The following TMEM132D variants were observed in gnomAD, a reference collection of about 807,000 sequenced individuals.
The protein encoded by TMEM132D is mature OL transmembrane protein.
TMEM132D carries 21 observed loss-of-function variants against 62.3 expected under a neutral mutation model. The observed-to-expected ratio is 0.34, with a 90% CI of 0.24 to 0.49. The LOEUF (loss-of-function observed/expected upper bound fraction) is 0.49. TMEM132D is among the 20% of genes least tolerant of loss of function. TMEM132D has a pLI of 0.99. For synonymous variants in TMEM132D, 621 were observed against 575.6 expected (o/e 1.08, Z -1.13); for missense variants, 1,346 against 1,402.8 (o/e 0.96, Z 0.65).
intron 2 of TMEM132D, among the ~76,000 whole-genome samples, chr12:129,613,381 C>G (rs1378169519): frequency 6.6e-6 from 1 of 152,200 alleles, no homozygotes. Flanking sequence ...TGGATCTGCT[C>G]CATCCTCATG....
At chr12:129,628,732 T>C (rs924000136) in intron 2 of TMEM132D, among the ~76,000 whole-genome samples, 4 of 152,146 alleles carry the variant, frequency 2.6e-5, no homozygotes, top group African/African-American at 7.2e-5. Context: ...ATACTCAGTG[T>C]GATGGCCATG....
At chr12:129,278,621 G>A (rs993780505) in intron 4 of TMEM132D, among the ~76,000 whole-genome samples, 10 of 152,116 alleles carry the variant, frequency 6.6e-5, no homozygotes, top group Admixed American at 3.3e-4. Context: ...AATGACTGCC[G>A]TTCAAATGAG....
intron 2 of TMEM132D, among the ~76,000 whole-genome samples, chr12:129,631,232 C>T (rs190287255): frequency 2.9e-4 from 44 of 152,266 alleles, no homozygotes; most frequent in African/African-American, 1.0e-3. Context: ...AGCGCTACTG[C>T]GTCTTTCTCT....
chr12:129,398,529 G>A (rs1338862772), intron 3 of TMEM132D, among the ~76,000 whole-genome samples: 1 of 152,184 alleles, frequency 6.6e-6, no homozygotes, highest in African/African-American at 2.4e-5. Context: ...TATCATAAGG[G>A]ATGATAGAAA....
intron 4 of TMEM132D, among the ~76,000 whole-genome samples, chr12:129,232,045 C>T (rs939303851): frequency 6.6e-6 from 1 of 152,166 alleles, no homozygotes; most frequent in Non-Finnish European, 1.5e-5. Context: ...TCAAACTTAG[C>T]TGTACATTGG....
intron 4 of TMEM132D, among the ~76,000 whole-genome samples, chr12:129,286,722 G>C (rs1308441024): frequency 6.6e-6 from 1 of 152,100 alleles, no homozygotes; most frequent in Non-Finnish European, 1.5e-5. Context: ...TTAGCATCTA[G>C]ACCTTAAAGT....
In TMEM132D at chr12:129,342,523, T is replaced by G. The variant is rs1052385272; in HGVS notation, c.1116-4706A>C. On this transcript the variant is annotated intron_variant, in intron 3 of 8. Transcript: ENST00000422113. ...TCAGGACATAGGCATGGGCAAGGAC[T>G]TCATGTCTAAAACACCAAAAGCAAT... Among the ~76,000 whole-genome samples the G allele has an allele frequency of 2.0e-5, 3 of 152,098 alleles. No homozygotes were observed. In the South Asian group the frequency reaches 6.2e-4, roughly 32 times the overall value.
chr12:129,370,360 G>A (rs918761325), intron 3 of TMEM132D, among the ~76,000 whole-genome samples: 2 of 152,162 alleles, frequency 1.3e-5, no homozygotes, highest in Non-Finnish European at 2.9e-5. Context: ...AATGAGGCCC[G>A]CCTGTTTGGT....
chr12:129,692,110 C>T (rs921251841), intron 2 of TMEM132D, among the ~76,000 whole-genome samples: 3 of 152,012 alleles, frequency 2.0e-5, no homozygotes, highest in South Asian at 4.1e-4. Context: ...TTACCAAAAC[C>T]ATATGAAGAC....
intron 2 of TMEM132D, among the ~76,000 whole-genome samples, chr12:129,623,982 T>C (rs1363751548): frequency 6.6e-6 from 1 of 152,108 alleles, no homozygotes; most frequent in East Asian, 1.9e-4. Flanking sequence ...TTTGTATAAC[T>C]CTCCATCTTA....
intron 2 of TMEM132D, among the ~76,000 whole-genome samples, chr12:129,642,488 C>T (rs1401602530): frequency 6.6e-6 from 1 of 152,164 alleles, no homozygotes; most frequent in Non-Finnish European, 1.5e-5. Context: ...CCACTCCTGA[C>T]TCCTGGATGC....
rs145300929 is a variant in TMEM132D, at chr12:129,700,341, T to C, written c.437A>G (p.Gln146Arg). 3 of 1,614,104 alleles carry C rather than the reference T, an allele frequency of 1.9e-6. No individual in the cohort carries two copies. Among genetic ancestry groups the C allele is most frequent in the Non-Finnish European group, 2.5e-6 (3 of 1,180,038 alleles). ...DKVYLSRPKV[Q>R]VLFHIMGRDW... Reference sequence around the variant, plus strand: ...TCTGCCCATGATGTGGAACAGAACCTGCACTTTGGGCCGGCTCAGGTAGAC... The same window carrying C: ...TCTGCCCATGATGTGGAACAGAACCCGCACTTTGGGCCGGCTCAGGTAGAC... The change falls in exon 2 of 9, where the codon CAG (glutamine) becomes CGG (arginine). Residue 146 changes from glutamine (Q) to arginine (R), a missense_variant. Physicochemically the swap from Gln to Arg is conservative, Grantham distance 43. Coordinates refer to ENST00000422113, the MANE Select transcript of TMEM132D (RefSeq NM_133448.3).
chr12:129,420,306 G>GTTTTTTTTTTTTTTTTTTTTTTTT (rs71082709), intron 3 of TMEM132D, among the ~76,000 whole-genome samples: 2 of 112,310 alleles, frequency 1.8e-5, no homozygotes, highest in African/African-American at 8.0e-5. Context: ...CACGTTCTCT[G>GTTTTTTTTTTTTTTTTTTTTTTTT]TTTTTTTTTT....
At chr12:129,525,967 TG>T (rs955661279) in intron 3 of TMEM132D, among the ~76,000 whole-genome samples, 1 of 152,250 alleles carries the variant, frequency 6.6e-6, no homozygotes, top group African/African-American at 2.4e-5. Flanking sequence ...GGTTTGTTTT[TG>T]GTTGGGTGAT....
At chr12:129,563,959 G>T (rs1877304755) in intron 2 of TMEM132D, among the ~76,000 whole-genome samples, 1 of 152,168 alleles carries the variant, frequency 6.6e-6, no homozygotes, top group Non-Finnish European at 1.5e-5. Context: ...ACAAAAGACA[G>T]AATCAAACTC....
intron 3 of TMEM132D, among the ~76,000 whole-genome samples, chr12:129,437,275 G>C (rs1319684608): frequency 6.6e-6 from 1 of 152,064 alleles, no homozygotes; most frequent in Non-Finnish European, 1.5e-5. Flanking sequence ...AGGAATAACA[G>C]AGCCTCCCCA....
At chr12:129,629,253 C>T (rs147360338) in intron 2 of TMEM132D, among the ~76,000 whole-genome samples, 7 of 152,276 alleles carry the variant, frequency 4.6e-5, no homozygotes, top group Non-Finnish European at 7.4e-5. Context: ...CTCCTCTGTC[C>T]GGCCCATCTG....
At chr12:129,547,426 C>A (rs1175435569) in intron 2 of TMEM132D, among the ~76,000 whole-genome samples, 1 of 152,136 alleles carries the variant, frequency 6.6e-6, no homozygotes, top group Admixed American at 6.5e-5. Context: ...CAAAGGAATA[C>A]TGGACCTTGG....
At chr12:129,390,100 C>T (rs73422497) in intron 3 of TMEM132D, among the ~76,000 whole-genome samples, 3,813 of 152,228 alleles carry the variant, frequency 0.025, 149 homozygotes, top group African/African-American at 0.087. Flanking sequence ...CTGTTGTGTG[C>T]GGCACTTTCA....
Sources: allele counts gnomAD v4.1 joint callset (sites outside exome capture counted in the v4.1 genomes callset), GRCh38; gene constraint gnomAD v4.1.1; transcripts MANE v1.5; gene names NCBI Gene and HGNC (gene_info 2026-07-23, HGNC 2026-07-21).